ARHGEF33: variants seen among roughly 807,000 people sequenced by gnomAD.
ARHGEF33 encodes the protein Rho guanine nucleotide exchange factor 33.
Under a neutral mutation model 101.9 loss-of-function variants are expected in ARHGEF33, and 72 were observed. That is an observed-to-expected ratio of 0.71 (90% CI 0.58 to 0.86). The LOEUF is 0.86. Ranked by LOEUF, ARHGEF33 falls within the 40% of genes least tolerant of loss-of-function variation. ARHGEF33 has a pLI of 0.00. For synonymous variants in ARHGEF33, 499 were observed against 442.5 expected (o/e 1.13, Z -1.60); for missense variants, 1,169 against 1,111.3 (o/e 1.05, Z -0.74).
At chr2:38,895,689 T>C (rs1467212923) in intron 1 of ARHGEF33, 88 bp from the exon 2 acceptor site, 4 of 152,088 alleles carry the variant, frequency 2.6e-5, no homozygotes, top group Middle Eastern at 6.3e-3. Flanking sequence ...ATAAGAACTT[T>C]TAATTACAAA....
At chr2:38,938,402 C>A (rs1667209506) in intron 9 of ARHGEF33, among the ~76,000 whole-genome samples, 1 of 152,108 alleles carries the variant, frequency 6.6e-6, no homozygotes, top group Non-Finnish European at 1.5e-5. Flanking sequence ...AGCTGGGCCT[C>A]CTGGCATGTG....
chr2:38,964,672 C>T (rs1030448758), intron 16 of ARHGEF33, among the ~76,000 whole-genome samples: 5 of 151,824 alleles, frequency 3.3e-5, no homozygotes, highest in African/African-American at 7.3e-5. Flanking sequence ...CAATGGGGAG[C>T]GGCTATAAAT....
chr2:38,966,717 T>A (rs1668059718), intron 17 of ARHGEF33, among the ~76,000 whole-genome samples: 1 of 152,204 alleles, frequency 6.6e-6, no homozygotes, highest in Admixed American at 6.5e-5. Context: ...AAATAAGGCA[T>A]TTTCCTCCTG....
At chr2:38,929,916 G>T in intron 6 of ARHGEF33, 86 bp downstream of exon 6, 1 of 1,227,340 alleles carries the variant, frequency 8.1e-7, no homozygotes, top group Non-Finnish European at 1.1e-6. Context: ...CCCACTATCA[G>T]TGTATAGCTA....
chr2:38,897,453 C>T (rs1466183615), intron 2 of ARHGEF33, among the ~76,000 whole-genome samples: 1 of 152,184 alleles, frequency 6.6e-6, no homozygotes, highest in Non-Finnish European at 1.5e-5. Context: ...TCTGTAGAAA[C>T]TCAAAGAACT....
At chr2:38,962,802 C>T (rs548007535) in intron 16 of ARHGEF33, among the ~76,000 whole-genome samples, 1 of 123,172 alleles carries the variant, frequency 8.1e-6, no homozygotes, top group African/African-American at 3.2e-5. Context: ...ATCATGAGGT[C>T]AGGAGATCAA....
intron 1 of ARHGEF33, among the ~76,000 whole-genome samples, chr2:38,892,091 C>T (rs1010651310): frequency 6.6e-6 from 1 of 152,094 alleles, no homozygotes; most frequent in African/African-American, 2.4e-5. Context: ...GAAAAAGTGG[C>T]AGCTAATCGG....
intron 16 of ARHGEF33, among the ~76,000 whole-genome samples, chr2:38,962,448 G>C (rs1380630639): frequency 1.3e-5 from 2 of 152,154 alleles, no homozygotes. Context: ...CAAACAATGA[G>C]TAATATATTT....
rs541605758 is a variant in ARHGEF33, at chr2:38,919,753, T to A, written c.25+281T>A. Reference sequence around the variant, plus strand: ...AAGACACAGATTCAACTACTAGACATCTATCACCTTCTAGACTAGCCTAGA... The same window carrying A: ...AAGACACAGATTCAACTACTAGACAACTATCACCTTCTAGACTAGCCTAGA... On this transcript the variant is annotated intron_variant, in intron 3 of 17. Coordinates refer to ENST00000409978, the MANE Select transcript of ARHGEF33 (RefSeq NM_001145451.5). 3.2e-4 allele frequency among the ~76,000 whole-genome samples: 49 copies of A among 152,330 alleles called. No individual in the cohort carries two copies. In the South Asian group the frequency reaches 4.1e-3, roughly 13 times the overall value.
In ARHGEF33 at chr2:38,891,850, T is replaced by A. The variant is rs145698730; in HGVS notation, c.-159+1864T>A. ...CCTTTTGAGAGTGCCAGGAATCACC[T>A]TGGGAGTCATGGAAGGAAAAAAAAC... On this transcript the variant is annotated intron_variant, in intron 1 of 17. Coordinates refer to ENST00000409978, the MANE Select transcript of ARHGEF33 (RefSeq NM_001145451.5). 3.0e-3 allele frequency among the ~76,000 whole-genome samples: 448 copies of A among 151,858 alleles called. 4 individuals carry two copies. The highest frequency in any genetic ancestry group is 9.7e-3 in the African/African-American group (402 of 41,382).
chr2:38,933,497 C>A (rs1290451684), intron 7 of ARHGEF33, among the ~76,000 whole-genome samples: 1 of 152,070 alleles, frequency 6.6e-6, no homozygotes, highest in Non-Finnish European at 1.5e-5. Flanking sequence ...AGTTCTCCAG[C>A]CTCAGCATCC....
chr2:38,895,696 C>T (rs1251252863), intron 1 of ARHGEF33, 81 bp from the exon 2 acceptor site: 1 of 149,718 alleles, frequency 6.7e-6, no homozygotes, highest in Non-Finnish European at 1.5e-5. Flanking sequence ...CTTTTAATTA[C>T]AAAATTATAG....
Position 38,960,415 on chromosome 2 carries a change from C to A in ARHGEF33, c.2110C>A (p.Pro704Thr), listed in dbSNP as rs1667894183. The A allele has an allele frequency of 2.6e-6, 4 of 1,514,302 alleles. No homozygotes were observed. The highest frequency in any genetic ancestry group is 3.5e-6 in the Non-Finnish European group (4 of 1,137,548). 93.8% of individuals were successfully genotyped at this position (1,514,302 alleles called of 1,614,324 possible). A position where few individuals can be genotyped will look rare whatever the true frequency, so the allele number is the denominator to read the frequency against. ...AAAQAHGKAK[P>T]LSRSLKEFPR... ...GGCGCAGGCGCACGGCAAGGCCAAG[C>A]CGCTGAGCCGCTCTCTCAAAGAGTT... is the stretch of plus-strand genomic sequence containing the variant. The change falls in exon 16 of 18, where the codon CCG becomes ACG. Residue 704 changes from proline (P) to threonine (T), a missense_variant. Transcript: ENST00000409978.
intron 2 of ARHGEF33, among the ~76,000 whole-genome samples, chr2:38,918,762 C>T (rs562473111): frequency 1.7e-4 from 25 of 151,322 alleles, no homozygotes; most frequent in African/African-American, 6.1e-4. Flanking sequence ...TTTCCTGGGG[C>T]TGGGTGTGGT....
intron 2 of ARHGEF33, among the ~76,000 whole-genome samples, chr2:38,897,124 C>T (rs576605764): frequency 6.6e-6 from 1 of 152,206 alleles, no homozygotes; most frequent in East Asian, 1.9e-4. Flanking sequence ...TCATATTGGT[C>T]AGGCTGGTCT....
chr2:38,932,035 G>C (rs1047314424), intron 7 of ARHGEF33, among the ~76,000 whole-genome samples: 4 of 152,170 alleles, frequency 2.6e-5, no homozygotes, highest in Admixed American at 1.3e-4. Flanking sequence ...TAGACAATGT[G>C]TATTCTGAAT....
At chr2:38,919,705 A>C (rs1369190083) in intron 3 of ARHGEF33, among the ~76,000 whole-genome samples, 1 of 152,248 alleles carries the variant, frequency 6.6e-6, no homozygotes, top group Admixed American at 6.5e-5. Flanking sequence ...GGACTCCCTC[A>C]GAACAACATG....
rs1409149293 is a variant in ARHGEF33 at position 38,973,767 on chromosome 2, C to G, written c.2537C>G (p.Pro846Arg). The G allele has an allele frequency of 6.5e-6, 10 of 1,548,818 alleles. No individual in the cohort carries two copies. Among genetic ancestry groups the G allele is most frequent in the Non-Finnish European group, 8.7e-6 (10 of 1,146,120 alleles). ...EKTNENPSMDPSPTKQDFFRN... is the reference protein window; with the variant it reads ...EKTNENPSMDRSPTKQDFFRN... ...ACTAATGAGAATCCCTCAATGGATC[C>G]TTCACCCACCAAACAAGATTTCTTC... The change falls in exon 18 of 18, where the codon CCT becomes CGT. Residue 846 changes from proline (P) to arginine (R), a missense_variant. Transcript: ENST00000409978.
At position 38,973,904 on chromosome 2, in the gene ARHGEF33, G is replaced by C. The variant is rs1291362148; in HGVS notation, c.*61G>C. The C allele has an allele frequency of 8.0e-7, 1 of 1,250,524 alleles. No homozygotes were observed. Among genetic ancestry groups the C allele is most frequent in the Non-Finnish European group, 1.1e-6 (1 of 948,864 alleles). The allele number at this position is 1,250,524 out of a possible 1,614,324, so 77.5% of individuals were successfully genotyped here. ...GAGGATAAAAAGCTTGTATATATCT[G>C]TGTAGGAATATATATATATATCTAT... On this transcript the variant is annotated 3_prime_UTR_variant, in exon 18 of 18. Transcript: ENST00000409978.
Sources: gnomAD v4.1 joint callset for allele counts (sites outside exome capture counted in the v4.1 genomes callset) on GRCh38, gnomAD v4.1.1 for gene constraint, MANE v1.5 for transcripts, NCBI Gene and HGNC (gene_info 2026-07-23, HGNC 2026-07-21) for gene names.